STXBP5L: variants seen among roughly 807,000 people sequenced by gnomAD.
STXBP5L encodes syntaxin-binding protein 5-like.
A neutral mutation model predicts 144.5 loss-of-function variants in STXBP5L; 65 were observed. The ratio of observed to expected loss-of-function variants is 0.45; its 90% CI spans 0.37 to 0.55. The LOEUF (loss-of-function observed/expected upper bound fraction) is 0.55, where lower values mean the gene tolerates loss of function less well. Among genes scored for constraint, STXBP5L ranks in the 20% least tolerant of loss-of-function variants. The pLI is 0.00. For missense variants in STXBP5L, 1,298 were observed against 1,405.5 expected (o/e 0.92, Z 1.22); for synonymous variants, 505 against 469.6 (o/e 1.08, Z -0.97).
chr3:121,199,003 T>G (rs1280587904), intron 9 of STXBP5L, among the ~76,000 whole-genome samples: 1 of 152,200 alleles, frequency 6.6e-6, no homozygotes, highest in Non-Finnish European at 1.5e-5. Flanking sequence ...TTAAAGTAGA[T>G]TTTTCTAATT....
chr3:121,394,456 G>C (rs578150740), intron 22 of STXBP5L, among the ~76,000 whole-genome samples: 2 of 151,704 alleles, frequency 1.3e-5, no homozygotes, highest in South Asian at 2.1e-4. Context: ...CATAGGAGTG[G>C]TGAAAGTATA....
chr3:121,387,742 T>C (rs938856048), intron 22 of STXBP5L, among the ~76,000 whole-genome samples: 4 of 151,938 alleles, frequency 2.6e-5, no homozygotes, highest in African/African-American at 9.7e-5. Context: ...CTGAAGCCTC[T>C]GTTCTGTTCC....
intron 20 of STXBP5L, among the ~76,000 whole-genome samples, chr3:121,373,591 G>A (rs186095306): frequency 6.6e-6 from 1 of 152,240 alleles, no homozygotes; most frequent in East Asian, 1.9e-4. Context: ...CTGCATTTCT[G>A]GCACCTGAGC....
intron 5 of STXBP5L, among the ~76,000 whole-genome samples, chr3:121,075,820 G>A (rs764168396): frequency 2.6e-5 from 4 of 152,204 alleles, no homozygotes; most frequent in African/African-American, 4.8e-5. Context: ...AGCGTCTATT[G>A]GGAGTGCTTA....
chr3:120,980,988 T>G (rs1279381171), intron 3 of STXBP5L, among the ~76,000 whole-genome samples: 6 of 152,162 alleles, frequency 3.9e-5, no homozygotes, highest in Non-Finnish European at 7.3e-5. Context: ...TACAAAATCC[T>G]TTGCTAGATT....
intron 2 of STXBP5L, among the ~76,000 whole-genome samples, chr3:120,951,821 G>C (rs990250627): frequency 3.9e-5 from 6 of 152,120 alleles, no homozygotes; most frequent in Non-Finnish European, 5.9e-5. Context: ...ACCGAAAGGA[G>C]TATAAATCAT....
intron 19 of STXBP5L, among the ~76,000 whole-genome samples, chr3:121,311,776 T>C (rs1218212132): frequency 6.6e-6 from 1 of 152,176 alleles, no homozygotes; most frequent in Non-Finnish European, 1.5e-5. Flanking sequence ...CCCAAGGTAA[T>C]TTATAGATTC....
At chr3:120,951,847 C>G (rs1398902816) in intron 2 of STXBP5L, among the ~76,000 whole-genome samples, 3 of 152,050 alleles carry the variant, frequency 2.0e-5, no homozygotes, top group Admixed American at 2.0e-4. Context: ...TATAAAGACA[C>G]ATGCACACGT....
chr3:121,350,090 C>G (rs1163413856), intron 20 of STXBP5L, among the ~76,000 whole-genome samples: 1 of 152,122 alleles, frequency 6.6e-6, no homozygotes. Context: ...TTTGCAGTGG[C>G]TGGTACCAGT....
intron 14 of STXBP5L, among the ~76,000 whole-genome samples, chr3:121,244,450 GGAGA>G (rs149406621): frequency 5.3e-5 from 8 of 150,410 alleles, no homozygotes; most frequent in South Asian, 4.2e-4. Flanking sequence ...GAAGGGGCGG[GGAGA>G]GAGAGAGAGA....
chr3:121,345,883 A>T (rs2044946185), intron 20 of STXBP5L, among the ~76,000 whole-genome samples: 1 of 151,928 alleles, frequency 6.6e-6, no homozygotes, highest in Non-Finnish European at 1.5e-5. Flanking sequence ...CCTAATCCCA[A>T]ACTGCTCATC....
In STXBP5L at chr3:121,423,205, C is replaced by T. The variant is rs547603155; in HGVS notation, c.*4108C>T. The T allele has an allele frequency of 1.3e-5, 2 of 152,412 alleles. No homozygotes were observed. Among genetic ancestry groups the T allele is most frequent in the African/African-American group, 4.8e-5 (2 of 41,570 alleles). 9.4% of individuals were successfully genotyped at this position (152,412 alleles called of 1,614,324 possible). On this transcript the variant is annotated 3_prime_UTR_variant, in exon 27 of 27. Transcript: ENST00000471454. ...GTGTCAGGAGAAACGTGGTGGCTTT[C>T]ACAGCTTCTTCACCTCTGTCCTCTG...
intron 9 of STXBP5L, among the ~76,000 whole-genome samples, chr3:121,199,116 C>G (rs1191208484): frequency 6.6e-6 from 1 of 152,154 alleles, no homozygotes. Context: ...TATCCATGAG[C>G]ATACAATTTT....
intron 10 of STXBP5L, among the ~76,000 whole-genome samples, chr3:121,222,251 A>G (rs1344728283): frequency 6.6e-6 from 1 of 152,096 alleles, no homozygotes; most frequent in East Asian, 1.9e-4. Flanking sequence ...CTGTGAAATG[A>G]CTTCATAATT....
intron 10 of STXBP5L, among the ~76,000 whole-genome samples, chr3:121,216,536 G>C (rs1366123499): frequency 6.6e-6 from 1 of 152,180 alleles, no homozygotes; most frequent in Non-Finnish European, 1.5e-5. Flanking sequence ...AAAGATTGCT[G>C]CCTGTTCCTT....
rs72966166 is a variant in STXBP5L, at chr3:121,165,697, A to G, written c.877+8070A>G. On this transcript the variant is annotated intron_variant, in intron 9 of 26. Coordinates refer to ENST00000471454, the MANE Select transcript of STXBP5L (RefSeq NM_001308330.2). ...TCAGCAAAGCGAGAGTCCTGCTAAC[A>G]GGCTTCCTGTCTCACAGATTGGACC... Among the ~76,000 whole-genome samples the G allele has an allele frequency of 2.6e-3, 394 of 152,234 alleles. 2 individuals are homozygous for G. The highest frequency in any genetic ancestry group is 8.9e-3 in the African/African-American group (368 of 41,560).
intron 22 of STXBP5L, among the ~76,000 whole-genome samples, chr3:121,406,109 A>C (rs1301721823): frequency 1.3e-5 from 2 of 151,992 alleles, no homozygotes; most frequent in African/African-American, 2.4e-5. Context: ...CCTTCATGGG[A>C]GATTGGGAGA....
At chr3:120,984,632 C>CTT (rs35656223) in intron 3 of STXBP5L, among the ~76,000 whole-genome samples, 2,437 of 72,008 alleles carry the variant, frequency 0.034, 73 homozygotes, top group Middle Eastern at 0.044. Flanking sequence ...TCTTTCTTTC[C>CTT]TTTTTTTTTT....
chr3:121,130,274 A>G (rs2044918150), intron 7 of STXBP5L, among the ~76,000 whole-genome samples: 1 of 152,128 alleles, frequency 6.6e-6, no homozygotes, highest in Non-Finnish European at 1.5e-5. Context: ...AACTCCTGAC[A>G]TGCTCCTGGG....
Sources: allele counts gnomAD v4.1 joint callset (sites outside exome capture counted in the v4.1 genomes callset), GRCh38; gene constraint gnomAD v4.1.1; transcripts MANE v1.5; gene names NCBI Gene and HGNC (gene_info 2026-07-23, HGNC 2026-07-21).